The following VAX2 variants were observed in gnomAD, a reference collection of about 807,000 sequenced individuals.
The protein encoded by VAX2 is ventral anterior homeobox 2.
A neutral mutation model predicts 12.5 loss-of-function variants in VAX2; 8 were observed. That is an observed-to-expected ratio of 0.64 (90% CI 0.37 to 1.15). The LOEUF (loss-of-function observed/expected upper bound fraction) is 1.15, where lower values mean the gene tolerates loss of function less well. Among genes scored for constraint, VAX2 ranks in the 50% most tolerant of loss-of-function variants. The pLI, the probability that VAX2 is intolerant of heterozygous loss-of-function variation, is 0.01. For missense variants in VAX2, 476 were observed against 412.9 expected, an observed-to-expected ratio of 1.15 and a Z score of -1.32; for synonymous variants, 183 against 187.6, an observed-to-expected ratio of 0.98 and a Z score of 0.20.
intron 1 of VAX2, among the ~76,000 whole-genome samples, chr2:70,903,023 TA>T (rs1678968335): frequency 6.6e-6 from 1 of 152,186 alleles, no homozygotes; most frequent in Non-Finnish European, 1.5e-5. Flanking sequence ...GGGAGGTTAT[TA>T]TGGGCCTGAA....
In VAX2 at chr2:70,933,367, C is replaced by A; in HGVS notation, c.*163C>A. ...ACTCGTGACCAAATGGCCTTGGTCC[C>A]GCAGCTTGTGTGCGTGAGTGCAGTG... On this transcript the variant is annotated 3_prime_UTR_variant, in exon 3 of 3. Transcript: ENST00000234392. 1.7e-6 allele frequency: 1 copy of A among 596,292 alleles called. No individual in the cohort carries two copies. Among genetic ancestry groups the A allele is most frequent in the Non-Finnish European group, 2.6e-6 (1 of 382,844 alleles). The allele number at this position is 596,292 out of a possible 1,614,324, so 36.9% of individuals were successfully genotyped here.
intron 2 of VAX2, among the ~76,000 whole-genome samples, chr2:70,925,216 A>C (rs1359553061): frequency 6.6e-6 from 1 of 152,186 alleles, no homozygotes; most frequent in Non-Finnish European, 1.5e-5. Context: ...CATTTTACAG[A>C]GGTTCTCTGG....
At chr2:70,903,163 A>C (rs2104754989) in intron 1 of VAX2, among the ~76,000 whole-genome samples, 1 of 152,334 alleles carries the variant, frequency 6.6e-6, no homozygotes, top group East Asian at 1.9e-4. Flanking sequence ...GTCTGAACTA[A>C]CTGCCTTGGC....
chr2:70,917,711 G>A lies in VAX2; in HGVS notation c.248-3387G>A, dbSNP rs1032018145. On this transcript the variant is annotated intron_variant, in intron 1 of 2. Transcript: ENST00000234392. ...CTGGGTCATGCCTCCATGACCCTGAGGGAGACAGCTGCACTTGGCTGCTCC... is the reference window on the plus strand; with the variant it reads ...CTGGGTCATGCCTCCATGACCCTGAAGGAGACAGCTGCACTTGGCTGCTCC... 3.3e-5 allele frequency among the ~76,000 whole-genome samples: 5 copies of A among 151,634 alleles called. No homozygotes were observed. In the South Asian group the frequency reaches 1.0e-3, roughly 32 times the overall value.
intron 1 of VAX2, among the ~76,000 whole-genome samples, chr2:70,901,965 C>G (rs1351109830): frequency 6.6e-6 from 1 of 152,252 alleles, no homozygotes; most frequent in East Asian, 1.9e-4. Flanking sequence ...CCTCTTCACA[C>G]GCGCCGCTCG....
rs991052057 is a variant in VAX2 at position 70,900,650 on chromosome 2, G to C, written c.29G>C (p.Arg10Pro). Residue 10 changes from arginine to proline, a missense_variant, in exon 1 of 3, where the codon CGG (arginine) becomes CCG (proline). Coordinates refer to ENST00000234392, the MANE Select transcript of VAX2 (RefSeq NM_012476.3). MGDGGAERD[R>P]GPARRAESGG... ...GGCGATGGGGGCGCCGAGCGCGACC[G>C]GGGCCCCGCGCGCCGGGCGGAGTCT... 2.0e-5 allele frequency: 25 copies of C among 1,278,122 alleles called. No individual in the cohort carries two copies. In the African/African-American group the frequency reaches 2.0e-4, roughly 10 times the overall value. 79.2% of individuals were successfully genotyped at this position (1,278,122 alleles called of 1,614,324 possible).
intron 1 of VAX2, among the ~76,000 whole-genome samples, chr2:70,912,210 G>A (rs1679201018): frequency 1.3e-5 from 2 of 152,144 alleles, no homozygotes; most frequent in African/African-American, 4.8e-5. Flanking sequence ...GTGTGGTAAT[G>A]CAAGTATTCA....
chr2:70,932,779 T>G lies in VAX2; in HGVS notation c.448T>G (p.Phe150Val). 1 of 1,565,226 alleles carries G rather than the reference T, an allele frequency of 6.4e-7. No homozygotes were observed. The change falls in exon 3 of 3, where the codon TTC (phenylalanine) becomes GTC (valine). Residue 150 changes from phenylalanine to valine, a missense_variant. By Grantham distance (50) the Phe-to-Val change is conservative. Transcript: ENST00000234392. ...CCCCCACCCCAAGGTGAAGGTCTGG[T>G]TCCAGAACCGCCGCACCAAGCAGAA... ...NLSETQVKVWFQNRRTKQKKD... is the reference protein window; with the variant it reads ...NLSETQVKVWVQNRRTKQKKD...
intron 1 of VAX2, among the ~76,000 whole-genome samples, chr2:70,902,104 C>T (rs1023872687): frequency 2.0e-5 from 3 of 152,204 alleles, no homozygotes; most frequent in East Asian, 3.8e-4. Flanking sequence ...GATCTGAGCT[C>T]GGCTACCCTC....
In VAX2 at chr2:70,921,391, G is replaced by A. The variant is rs374228028; in HGVS notation, c.435+106G>A. Reference sequence around the variant, plus strand: ...TACAGGGAGACCCAACTTTGGAGGAGTTCAGACAAGCATGAGGGAAAGACT... The same window carrying A: ...TACAGGGAGACCCAACTTTGGAGGAATTCAGACAAGCATGAGGGAAAGACT... On this transcript the variant is annotated intron_variant, in intron 2 of 2. Transcript: ENST00000234392. 85 of 1,285,168 alleles carry A rather than the reference G, an allele frequency of 6.6e-5. No individual in the cohort carries two copies. The African/African-American group carries it at 1.2e-3, about 19-fold the overall frequency. 79.6% of individuals were successfully genotyped at this position (1,285,168 alleles called of 1,614,324 possible). A position where few individuals can be genotyped will look rare whatever the true frequency, so the allele number is the denominator to read the frequency against.
chr2:70,931,215 A>G (rs557460333), intron 2 of VAX2, among the ~76,000 whole-genome samples: 1 of 152,300 alleles, frequency 6.6e-6, no homozygotes, highest in African/African-American at 2.4e-5. Flanking sequence ...GTTGGGTAGT[A>G]GAGGCAGGGC....
intron 1 of VAX2, among the ~76,000 whole-genome samples, chr2:70,903,425 G>C (rs536700518): frequency 6.6e-6 from 1 of 152,162 alleles, no homozygotes; most frequent in Non-Finnish European, 1.5e-5. Flanking sequence ...CATACCACAG[G>C]GGGGTGGGGG....
At chr2:70,927,415 T>C (rs1572898232) in intron 2 of VAX2, among the ~76,000 whole-genome samples, 1 of 151,490 alleles carries the variant, frequency 6.6e-6, no homozygotes. Flanking sequence ...TTCAGCATTG[T>C]CCTCAGCCTC....
chr2:70,910,605 T>C (rs1278926159), intron 1 of VAX2, among the ~76,000 whole-genome samples: 1 of 152,078 alleles, frequency 6.6e-6, no homozygotes, highest in Non-Finnish European at 1.5e-5. Flanking sequence ...AGGTTAAGCA[T>C]GTTTTTATGT....
chr2:70,921,356 T>G lies in VAX2; in HGVS notation c.435+71T>G, dbSNP rs782709827. 6 of 1,466,620 alleles carry G rather than the reference T, an allele frequency of 4.1e-6. No individual in the cohort carries two copies. In the South Asian group the frequency reaches 8.7e-5, roughly 21 times the overall value. The allele number at this position is 1,466,620 out of a possible 1,614,324, so 90.9% of individuals were successfully genotyped here. On this transcript the variant is annotated intron_variant, in intron 2 of 2. Transcript: ENST00000234392. Reference sequence around the variant, plus strand: ...GGGAACTCCTGGGGATATGAGGCCCTGTGAGCTGCTACAGGGAGACCCAAC... The same window carrying G: ...GGGAACTCCTGGGGATATGAGGCCCGGTGAGCTGCTACAGGGAGACCCAAC...
At chr2:70,920,287 A>G (rs528182223) in intron 1 of VAX2, among the ~76,000 whole-genome samples, 1 of 152,308 alleles carries the variant, frequency 6.6e-6, no homozygotes, top group African/African-American at 2.4e-5. Context: ...CACATGGATC[A>G]TCTCCACCCC....
rs558361325 is a variant in VAX2 at position 70,904,873 on chromosome 2, C to T, written c.247+4005C>T. ...AGAATCCGCGGGCAGTCGGGACCCA[C>T]GCTCCGGAAACACCCAAGTCCGAAC... is the stretch of plus-strand genomic sequence containing the variant. On this transcript the variant is annotated intron_variant, in intron 1 of 2. Coordinates refer to ENST00000234392, the MANE Select transcript of VAX2 (RefSeq NM_012476.3). This position sits in a 1 kb window ranked among gnomAD's most constrained non-coding sequence, Gnocchi z 4.2. Among the ~76,000 whole-genome samples, 14 of 152,332 alleles carry T rather than the reference C, an allele frequency of 9.2e-5. No individual in the cohort carries two copies. Among genetic ancestry groups the T allele is most frequent in the African/African-American group, 3.4e-4 (14 of 41,570 alleles).
intron 2 of VAX2, chr2:70,924,377 G>C (rs951479657): frequency 7.8e-6 from 1 of 128,830 alleles, no homozygotes; most frequent in African/African-American, 2.7e-5. Context: ...TATGTTTACT[G>C]TAGAGACGGG....
chr2:70,927,127 G>GA (rs1679591444), intron 2 of VAX2, among the ~76,000 whole-genome samples: 2 of 152,052 alleles, frequency 1.3e-5, no homozygotes, highest in South Asian at 4.1e-4. Flanking sequence ...ATTTATTTTT[G>GA]TTTTTTCAGC....
Sources: allele counts gnomAD v4.1 joint callset (sites outside exome capture counted in the v4.1 genomes callset), GRCh38; gene constraint gnomAD v4.1.1; non-coding constraint Gnocchi (gnomAD v3.1); transcripts MANE v1.5; gene names NCBI Gene and HGNC (gene_info 2026-07-23, HGNC 2026-07-21).